PCDH15: variants seen among roughly 807,000 people sequenced by gnomAD.
PCDH15 encodes protocadherin related 15.
In PCDH15, 129 loss-of-function variants were observed where a neutral mutation model predicts 178.5. The ratio of observed to expected loss-of-function variants is 0.72; its 90% confidence interval spans 0.63 to 0.84. PCDH15 has a LOEUF of 0.84. Among genes scored for constraint, PCDH15 ranks in the 40% least tolerant of loss-of-function variants. The pLI, the probability that PCDH15 is intolerant of heterozygous loss-of-function variation, is 0.00. For missense variants in PCDH15, 2,230 were observed against 2,099.9 expected, an observed-to-expected ratio of 1.06 and a Z score of -1.21; for synonymous variants, 800 against 732.0, an observed-to-expected ratio of 1.09 and a Z score of -1.50.
intron 20 of PCDH15, among the ~76,000 whole-genome samples, chr10:54,001,563 G>A (rs367984159): frequency 1.5e-4 from 23 of 151,850 alleles, no homozygotes; most frequent in African/African-American, 5.1e-4. Flanking sequence ...ACCAAAAAAT[G>A]TACAATAGAT....
chr10:55,401,239 T>C (rs1371864481), intron 2 of PCDH15, among the ~76,000 whole-genome samples: 1 of 152,026 alleles, frequency 6.6e-6, no homozygotes. Context: ...AAAGAGATAA[T>C]ACCCAGGTTT....
At chr10:55,314,559 A>G (rs1217653862) in intron 1 of PCDH15, among the ~76,000 whole-genome samples, 1 of 139,700 alleles carries the variant, frequency 7.2e-6, no homozygotes, top group African/African-American at 2.9e-5. Flanking sequence ...GTCATTATAT[A>G]TATTACAGAG....
chr10:54,849,995 TGA>T (rs1212942905), intron 3 of PCDH15, among the ~76,000 whole-genome samples: 1 of 152,148 alleles, frequency 6.6e-6, no homozygotes, highest in African/African-American at 2.4e-5. Context: ...TATCAGATAC[TGA>T]GACAGAATTT....
chr10:55,372,649 C>G lies in PCDH15; in HGVS notation c.-155-205998G>C, dbSNP rs1232785045. Among the ~76,000 whole-genome samples, 4 of 152,076 alleles carry G rather than the reference C, an allele frequency of 2.6e-5. No individual in the cohort carries two copies. The East Asian group carries it at 5.8e-4, about 22-fold the overall frequency. On this transcript the variant is annotated intron_variant, in intron 2 of 5. Transcript: ENST00000613346. Reference sequence around the variant, plus strand: ...CAAATCCCTCATGATGAGGCAAAGCCAAACTTAAGCCAAATTGATAATGTG... The same window carrying G: ...CAAATCCCTCATGATGAGGCAAAGCGAAACTTAAGCCAAATTGATAATGTG...
At chr10:55,071,941 A>T (rs1201143582) in intron 2 of PCDH15, among the ~76,000 whole-genome samples, 16 of 152,280 alleles carry the variant, frequency 1.1e-4, no homozygotes, top group African/African-American at 3.6e-4. Flanking sequence ...GGATTAAGAA[A>T]CTGACTTAAA....
chr10:55,162,536 T>A (rs1034973720), intron 2 of PCDH15, among the ~76,000 whole-genome samples: 36 of 152,294 alleles, frequency 2.4e-4, no homozygotes, highest in African/African-American at 7.9e-4. Flanking sequence ...AACCTCTAAA[T>A]TGCCCTTAGT....
At chr10:55,196,548 A>G (rs572214741) in intron 1 of PCDH15, among the ~76,000 whole-genome samples, 7 of 152,072 alleles carry the variant, frequency 4.6e-5, no homozygotes, top group Non-Finnish European at 8.8e-5. Flanking sequence ...TCACAGGTAC[A>G]ATATAAGGAC....
At chr10:54,126,809 T>A (rs1308816348) in intron 15 of PCDH15, among the ~76,000 whole-genome samples, 1 of 152,050 alleles carries the variant, frequency 6.6e-6, no homozygotes, top group Admixed American at 6.6e-5. Flanking sequence ...GGTTTTGTGG[T>A]TCACATATAG....
At chr10:54,715,097 G>C (rs988038552) in intron 1 of PCDH15, among the ~76,000 whole-genome samples, 3 of 152,054 alleles carry the variant, frequency 2.0e-5, no homozygotes, top group Non-Finnish European at 4.4e-5. Flanking sequence ...ACTATAGTGA[G>C]TTCCACAAAT....
At chr10:54,777,701 G>C (rs2133353172) in intron 1 of PCDH15, among the ~76,000 whole-genome samples, 1 of 151,854 alleles carries the variant, frequency 6.6e-6, no homozygotes, top group South Asian at 2.1e-4. Context: ...CTTTCATTCA[G>C]AGTTTTTACT....
intron 7 of PCDH15, among the ~76,000 whole-genome samples, chr10:54,324,457 T>G (rs936137979): frequency 6.6e-6 from 1 of 152,142 alleles, no homozygotes; most frequent in African/African-American, 2.4e-5. Flanking sequence ...AAATTATTCT[T>G]GCCATGATTC....
intron 6 of PCDH15, among the ~76,000 whole-genome samples, chr10:54,330,633 G>T (rs530424532): frequency 4.8e-4 from 73 of 151,858 alleles, no homozygotes; most frequent in Admixed American, 1.4e-3. Flanking sequence ...TAAGTTCTCT[G>T]CCCTGTCTAG....
intron 2 of PCDH15, among the ~76,000 whole-genome samples, chr10:55,471,613 CT>C (rs1839956835): frequency 6.6e-6 from 1 of 152,210 alleles, no homozygotes. Context: ...GTTGGCTAGT[CT>C]GGTCTCGAAC....
At chr10:55,101,512 T>C (rs769259248) in intron 2 of PCDH15, among the ~76,000 whole-genome samples, 20 of 151,684 alleles carry the variant, frequency 1.3e-4, no homozygotes, top group Non-Finnish European at 2.2e-4. Flanking sequence ...GGCTACAAAA[T>C]CTAATGTACA....
At chr10:55,546,124 A>C (rs1841876457) in intron 2 of PCDH15, among the ~76,000 whole-genome samples, 1 of 152,188 alleles carries the variant, frequency 6.6e-6, no homozygotes, top group Non-Finnish European at 1.5e-5. Context: ...AAAGTGATAA[A>C]CCCACAACAT....
intron 8 of PCDH15, among the ~76,000 whole-genome samples, chr10:54,252,775 G>A (rs1215725402): frequency 6.6e-6 from 1 of 151,194 alleles, no homozygotes; most frequent in Non-Finnish European, 1.5e-5. Flanking sequence ...CTTTTCTCAG[G>A]ATTTTTTTTT....
intron 7 of PCDH15, among the ~76,000 whole-genome samples, chr10:54,327,045 A>G (rs1938278817): frequency 6.6e-6 from 1 of 152,042 alleles, no homozygotes; most frequent in African/African-American, 2.4e-5. Context: ...AATGCTAAAA[A>G]CTTGTCACTA....
At chr10:54,253,822 C>G (rs960023615) in intron 8 of PCDH15, among the ~76,000 whole-genome samples, 4 of 151,912 alleles carry the variant, frequency 2.6e-5, no homozygotes, top group Non-Finnish European at 5.9e-5. Context: ...TGTCTTTTAA[C>G]GTAGATTTTA....
chr10:54,275,956 A>T (rs139648358), intron 8 of PCDH15, among the ~76,000 whole-genome samples: 1 of 151,850 alleles, frequency 6.6e-6, no homozygotes, highest in South Asian at 2.1e-4. Context: ...TGTGGAAAAA[A>T]GTAAAGTTGA....
Sources: allele counts gnomAD v4.1 joint callset (sites outside exome capture counted in the v4.1 genomes callset), GRCh38; gene constraint gnomAD v4.1.1; transcripts MANE v1.5; gene names NCBI Gene and HGNC (gene_info 2026-07-23, HGNC 2026-07-21).